SLC17A5: variants seen among roughly 807,000 people sequenced by gnomAD.
The protein encoded by SLC17A5 is sialin.
In SLC17A5, 47 loss-of-function variants were observed where a neutral mutation model predicts 59.4. The ratio of observed to expected loss-of-function variants is 0.79; its 90% confidence interval spans 0.63 to 1.01. The LOEUF is 1.01. SLC17A5 is among the 50% of genes least tolerant of loss of function. SLC17A5 has a pLI of 0.00. For missense variants in SLC17A5, 522 were observed against 595.5 expected, an observed-to-expected ratio of 0.88 and a Z score of 1.28; for synonymous variants, 202 against 210.7, an observed-to-expected ratio of 0.96 and a Z score of 0.36.
intron 1 of SLC17A5, among the ~76,000 whole-genome samples, chr6:73,646,824 C>T (rs1009933036): frequency 1.3e-5 from 2 of 152,066 alleles, no homozygotes; most frequent in Non-Finnish European, 2.9e-5. Context: ...AGGCATATGG[C>T]AGCATATCTG....
chr6:73,615,285 A>G, intron 8 of SLC17A5, 30 bp downstream of exon 8: 1 of 1,613,182 alleles, frequency 6.2e-7, no homozygotes, highest in Non-Finnish European at 8.5e-7. Context: ...ATAACTGTAA[A>G]CCAAAACAAA....
At position 73,594,940 on chromosome 6, in the gene SLC17A5, A is replaced by G; in HGVS notation, c.*137T>C. On this transcript the variant is annotated 3_prime_UTR_variant, in exon 11 of 11. Transcript: ENST00000355773. The stretch of plus-strand genomic sequence containing the variant: ...TTATTCTGGCAACTAGTGATATTTC[A>G]TGATTATAGGCCTTAAAAATCTAAT... 1.1e-6 allele frequency: 1 copy of G among 887,420 alleles called. No homozygotes were observed. The highest frequency in any genetic ancestry group is 1.8e-6 in the Non-Finnish European group (1 of 551,744). The allele number at this position is 887,420 out of a possible 1,614,324, so 55.0% of individuals were successfully genotyped here.
At chr6:73,633,865 G>A (rs973696530) in intron 6 of SLC17A5, among the ~76,000 whole-genome samples, 2 of 151,158 alleles carry the variant, frequency 1.3e-5, no homozygotes, top group East Asian at 1.9e-4. Context: ...GGGTGAGAGA[G>A]CGAAACTCCG....
At chr6:73,638,713 T>C (rs1386621317) in intron 3 of SLC17A5, among the ~76,000 whole-genome samples, 1 of 152,100 alleles carries the variant, frequency 6.6e-6, no homozygotes, top group Non-Finnish European at 1.5e-5. Flanking sequence ...CTCATGCCTG[T>C]AATCCCAGCA....
chr6:73,601,061 C>A (rs997227950), intron 9 of SLC17A5, among the ~76,000 whole-genome samples: 1 of 145,330 alleles, frequency 6.9e-6, no homozygotes, highest in Non-Finnish European at 1.5e-5. Context: ...AAGTGAGGAG[C>A]GTCTCTGCCC....
intron 1 of SLC17A5, among the ~76,000 whole-genome samples, chr6:73,650,905 A>G (rs1471131740): frequency 6.6e-6 from 1 of 152,152 alleles, no homozygotes; most frequent in African/African-American, 2.4e-5. Flanking sequence ...TACTTTCTAC[A>G]CTTGTATTCT....
intron 2 of SLC17A5, among the ~76,000 whole-genome samples, chr6:73,642,545 C>T (rs528884906): frequency 5.2e-4 from 79 of 152,134 alleles, no homozygotes; most frequent in Non-Finnish European, 8.7e-4. Flanking sequence ...CCATTTCAGA[C>T]GAAGCACTTA....
chr6:73,639,856 G>A (rs1044941407), intron 3 of SLC17A5, among the ~76,000 whole-genome samples: 1 of 152,114 alleles, frequency 6.6e-6, no homozygotes, highest in Admixed American at 6.5e-5. Flanking sequence ...GACCAGCCTG[G>A]CCAACATGGT....
Position 73,598,520 on chromosome 6 carries a change from A to G in SLC17A5, c.1350+1831T>C, listed in dbSNP as rs988920660. On this transcript the variant is annotated intron_variant, in intron 10 of 10. Transcript: ENST00000355773. ...GTGGCACGTGCCTGTAGTCCTAGCT[A>G]CTTGGGAGGCTGAGGCAGGAGAATT... 6.6e-5 allele frequency among the ~76,000 whole-genome samples: 10 copies of G among 152,060 alleles called. 1 individual carries two copies. The East Asian group carries it at 1.9e-3, about 29-fold the overall frequency.
At chr6:73,653,192 A>AT in intron 1 of SLC17A5, 1 of 985,430 alleles carries the variant, frequency 1.0e-6, no homozygotes, top group African/African-American at 1.7e-5. Flanking sequence ...GGGTTATACA[A>AT]TAGTTGCCCT....
At chr6:73,599,509 G>A (rs181036382) in intron 10 of SLC17A5, among the ~76,000 whole-genome samples, 3 of 152,354 alleles carry the variant, frequency 2.0e-5, no homozygotes, top group Admixed American at 1.3e-4. Flanking sequence ...GGCATTATCA[G>A]TAAGTGAAAT....
At chr6:73,653,484 G>A (rs1328599053) in intron 1 of SLC17A5, 1 of 984,894 alleles carries the variant, frequency 1.0e-6, no homozygotes, top group African/African-American at 1.8e-5. Flanking sequence ...GCTCAGCGCC[G>A]GCTGCACCGC....
rs190953896 is a variant in SLC17A5, at chr6:73,597,328, G to A, written c.1351-2114C>T. Among the ~76,000 whole-genome samples, 608 of 151,808 alleles carry A rather than the reference G, an allele frequency of 4.0e-3. 4 individuals carry two copies. Among genetic ancestry groups the A allele is most frequent in the African/African-American group, 0.013 (553 of 41,380 alleles). ...TAAAAAGACAAAAAATTAGCCAGGC[G>A]TGGTGGTGGGCACCTGTAATCCCAG... On this transcript the variant is annotated intron_variant, in intron 10 of 10. Coordinates refer to ENST00000355773, the MANE Select transcript of SLC17A5 (RefSeq NM_012434.5).
At chr6:73,643,474 T>G (rs971861250) in intron 2 of SLC17A5, among the ~76,000 whole-genome samples, 6 of 142,050 alleles carry the variant, frequency 4.2e-5, no homozygotes, top group Admixed American at 1.4e-4. Context: ...ATTTATTATT[T>G]TTTATTTATT....
chr6:73,643,732 C>T (rs760099122), intron 2 of SLC17A5, among the ~76,000 whole-genome samples: 2 of 152,182 alleles, frequency 1.3e-5, no homozygotes, highest in Non-Finnish European at 2.9e-5. Flanking sequence ...CTGCCTCAGC[C>T]TCCTAAAGTG....
At chr6:73,651,214 A>G (rs1769842464) in intron 1 of SLC17A5, among the ~76,000 whole-genome samples, 1 of 152,030 alleles carries the variant, frequency 6.6e-6, no homozygotes, top group South Asian at 2.1e-4. Context: ...TAATCCCAGC[A>G]CTTTGGGAGG....
At chr6:73,595,689 C>T (rs1328689780) in intron 10 of SLC17A5, among the ~76,000 whole-genome samples, 1 of 151,990 alleles carries the variant, frequency 6.6e-6, no homozygotes, top group African/African-American at 2.4e-5. Context: ...TCTAGCTGCA[C>T]ACTTTAGATT....
chr6:73,648,491 G>A (rs1046189892), intron 1 of SLC17A5, among the ~76,000 whole-genome samples: 1 of 152,170 alleles, frequency 6.6e-6, no homozygotes, highest in Non-Finnish European at 1.5e-5. Flanking sequence ...ATTTTTCACT[G>A]GCTGTGTGCT....
chr6:73,612,200 T>C (rs1465710284), intron 8 of SLC17A5, among the ~76,000 whole-genome samples: 2 of 151,538 alleles, frequency 1.3e-5, no homozygotes, highest in Admixed American at 1.3e-4. Flanking sequence ...TTCACTCTTT[T>C]TGCCCAGACT....
Sources: gnomAD v4.1 joint callset for allele counts (sites outside exome capture counted in the v4.1 genomes callset) on GRCh38, gnomAD v4.1.1 for gene constraint, MANE v1.5 for transcripts, NCBI Gene and HGNC (gene_info 2026-07-23, HGNC 2026-07-21) for gene names.